Variants in MAPK1IP1L observed in about 807,000 individuals in gnomAD.
MAPK1IP1L encodes MAPK-interacting and spindle-stabilizing protein-like.
A neutral mutation model predicts 18.1 loss-of-function variants in MAPK1IP1L; 10 were observed. That is an observed-to-expected ratio of 0.55 (90% CI 0.34 to 0.94). The LOEUF (loss-of-function observed/expected upper bound fraction) is 0.94. MAPK1IP1L is among the 40% of genes least tolerant of loss of function. The pLI is 0.02. For missense variants in MAPK1IP1L, 260 were observed against 318.2 expected (o/e 0.82, Z 1.39); for synonymous variants, 115 against 117.3 (o/e 0.98, Z 0.13).
Position 55,061,647 on chromosome 14 carries a change from TTC to T in MAPK1IP1L, c.-4-31_-4-30del, listed in dbSNP as rs776722917. 1.9e-5 allele frequency: 29 copies of T among 1,493,860 alleles called. No homozygotes were observed. The South Asian group carries it at 3.3e-4, about 17-fold the overall frequency. 92.5% of individuals were successfully genotyped at this position (1,493,860 alleles called of 1,614,324 possible). The stretch of plus-strand genomic sequence containing the variant: ...ATGGTGAACACTGATTTTGAAATTT[TTC>T]TTTCTTCCTTCATTTCTTTTCTTTT... On this transcript the variant is annotated intron_variant, in intron 1 of 3. Transcript: ENST00000395468.
At chr14:55,055,673 C>G (rs1304608257) in intron 1 of MAPK1IP1L, among the ~76,000 whole-genome samples, 1 of 152,074 alleles carries the variant, frequency 6.6e-6, no homozygotes, top group Non-Finnish European at 1.5e-5. Flanking sequence ...TGGTTCATGC[C>G]TAATCCCAGC....
chr14:55,059,004 G>A (rs1190452236), intron 1 of MAPK1IP1L, among the ~76,000 whole-genome samples: 1 of 151,802 alleles, frequency 6.6e-6, no homozygotes, highest in Non-Finnish European at 1.5e-5. Flanking sequence ...TCAGGTACTT[G>A]AGCATCCTGG....
In MAPK1IP1L at chr14:55,068,442, G is replaced by A. The variant is rs749535896; in HGVS notation, c.*3815G>A. ...TGCCTGGGTTGAATATCAGTCAATT[G>A]CCTACACTTCTAAACAATAAGTGCC... is the stretch of plus-strand genomic sequence containing the variant. On this transcript the variant is annotated 3_prime_UTR_variant, in exon 4 of 4. Transcript: ENST00000395468. 1.3e-5 allele frequency: 2 copies of A among 152,586 alleles called. No homozygotes were observed. The highest frequency in any genetic ancestry group is 2.4e-5 in the African/African-American group (1 of 41,436). 9.5% of individuals were successfully genotyped at this position (152,586 alleles called of 1,614,324 possible).
intron 1 of MAPK1IP1L, among the ~76,000 whole-genome samples, chr14:55,054,177 C>G (rs373598533): frequency 2.4e-5 from 3 of 127,290 alleles, no homozygotes; most frequent in African/African-American, 8.6e-5. Context: ...TTTATATTTT[C>G]TTTTTTTTTT....
intron 3 of MAPK1IP1L, chr14:55,063,829 A>G (rs1266922903): frequency 2.0e-5 from 3 of 153,342 alleles, no homozygotes; most frequent in Non-Finnish European, 2.9e-5. Context: ...AGTTACATGT[A>G]ATGCTTTATG....
chr14:55,067,345 GGAGTT>G lies in MAPK1IP1L; in HGVS notation c.*2719_*2723del, dbSNP rs1352737779. The G allele has an allele frequency of 2.0e-5, 3 of 151,936 alleles. No individual in the cohort carries two copies. The highest frequency in any genetic ancestry group is 7.3e-5 in the African/African-American group (3 of 41,370). 9.4% of individuals were successfully genotyped at this position (151,936 alleles called of 1,614,324 possible). A position where few individuals can be genotyped will look rare whatever the true frequency, so the allele number is the denominator to read the frequency against. ...AAAATATTTCAGGTTGGTTCGGTGT[GGAGTT>G]AAGAAAAGCAGGCGTTTTAGTGGAG... On this transcript the variant is annotated 3_prime_UTR_variant, in exon 4 of 4. Coordinates refer to ENST00000395468, the MANE Select transcript of MAPK1IP1L (RefSeq NM_144578.4).
Position 55,069,020 on chromosome 14 carries a change from T to C in MAPK1IP1L, c.*4393T>C, listed in dbSNP as rs2140265348. Reference sequence around the variant, plus strand: ...TGACATGTGGCATGCCTTTTTTTTTTTTTAAGAATTTAATGTTTTTCAAGA... The same window carrying C: ...TGACATGTGGCATGCCTTTTTTTTTCTTTAAGAATTTAATGTTTTTCAAGA... On this transcript the variant is annotated 3_prime_UTR_variant, in exon 4 of 4. Transcript: ENST00000395468. The C allele has an allele frequency of 6.6e-6, 1 of 152,296 alleles. No individual in the cohort carries two copies. The highest frequency in any genetic ancestry group is 6.5e-5 in the Admixed American group (1 of 15,294). The allele number at this position is 152,296 out of a possible 1,614,324, so 9.4% of individuals were successfully genotyped here.
At chr14:55,058,286 A>G (rs1342477743) in intron 1 of MAPK1IP1L, among the ~76,000 whole-genome samples, 1 of 152,234 alleles carries the variant, frequency 6.6e-6, no homozygotes, top group East Asian at 1.9e-4. Flanking sequence ...TCTCATCAAC[A>G]TTATAACAAA....
At chr14:55,056,731 A>C (rs562816068) in intron 1 of MAPK1IP1L, among the ~76,000 whole-genome samples, 16 of 152,024 alleles carry the variant, frequency 1.1e-4, no homozygotes, top group Admixed American at 2.0e-4. Context: ...GGATGGTCTC[A>C]ATCTCCTGAC....
rs2042871510 is a variant in MAPK1IP1L at position 55,067,346 on chromosome 14, G to GAGTT, written c.*2721_*2724dup. ...AAATATTTCAGGTTGGTTCGGTGTG[G>GAGTT]AGTTAAGAAAAGCAGGCGTTTTAGT... On this transcript the variant is annotated 3_prime_UTR_variant, in exon 4 of 4. Coordinates refer to ENST00000395468, the MANE Select transcript of MAPK1IP1L (RefSeq NM_144578.4). 6.6e-6 allele frequency: 1 copy of GAGTT among 151,962 alleles called. No homozygotes were observed. The highest frequency in any genetic ancestry group is 2.4e-5 in the African/African-American group (1 of 41,380). The allele number at this position is 151,962 out of a possible 1,614,324, so 9.4% of individuals were successfully genotyped here. A position where few individuals can be genotyped will look rare whatever the true frequency, so the allele number is the denominator to read the frequency against.
rs557319505 is a variant in MAPK1IP1L at position 55,067,694 on chromosome 14, T to G, written c.*3067T>G. 10 of 152,302 alleles carry G rather than the reference T, an allele frequency of 6.6e-5. No homozygotes were observed. The East Asian group carries it at 1.9e-3, about 29-fold the overall frequency. 9.4% of individuals were successfully genotyped at this position (152,302 alleles called of 1,614,324 possible). On this transcript the variant is annotated 3_prime_UTR_variant, in exon 4 of 4. Coordinates refer to ENST00000395468, the MANE Select transcript of MAPK1IP1L (RefSeq NM_144578.4). ...CTGAGATTACAGGCGTGAGCCACCA[T>G]GCGTGACCTTTTTTTCTTTTTAAAA...
chr14:55,051,684 T>C lies in MAPK1IP1L; in HGVS notation c.-124T>C, dbSNP rs758043199. 1.9e-6 allele frequency: 1 copy of C among 516,138 alleles called. No homozygotes were observed. The highest frequency in any genetic ancestry group is 3.9e-6 in the Non-Finnish European group (1 of 259,456). The allele number at this position is 516,138 out of a possible 1,614,324, so 32.0% of individuals were successfully genotyped here. On this transcript the variant is annotated 5_prime_UTR_variant, in exon 1 of 4. Coordinates refer to ENST00000395468, the MANE Select transcript of MAPK1IP1L (RefSeq NM_144578.4). ...GGCGCCAGGAGGAGCCGCGCGCTGC[T>C]GGTGCTGTTGCCGCCGCTGCTCTAG...
At position 55,069,107 on chromosome 14, in the gene MAPK1IP1L, AC is replaced by A. The variant is rs942659851; in HGVS notation, c.*4481del. On this transcript the variant is annotated 3_prime_UTR_variant, in exon 4 of 4. Coordinates refer to ENST00000395468, the MANE Select transcript of MAPK1IP1L (RefSeq NM_144578.4). ...AAGTAACAGGATAGTTTGCCTCTTC[AC>A]TTTACCCCTGGATAAAGGCACTTTC... 1 of 151,992 alleles carries A rather than the reference AC, an allele frequency of 6.6e-6. No individual in the cohort carries two copies. The highest frequency in any genetic ancestry group is 1.5e-5 in the Non-Finnish European group (1 of 68,018). 9.4% of individuals were successfully genotyped at this position (151,992 alleles called of 1,614,324 possible).
chr14:55,060,908 A>G (rs1414602038), intron 1 of MAPK1IP1L: 2 of 152,206 alleles, frequency 1.3e-5, no homozygotes, highest in African/African-American at 4.8e-5. Context: ...AGGCTGAGGC[A>G]GGAGGGTCCT....
At chr14:55,059,845 T>C (rs149661799) in intron 1 of MAPK1IP1L, among the ~76,000 whole-genome samples, 19 of 152,228 alleles carry the variant, frequency 1.2e-4, no homozygotes, top group African/African-American at 4.3e-4. Context: ...ATGGTAAATA[T>C]TGGATAGATG....
chr14:55,059,224 T>TGAAAAAAAAAAAAAAAAAAAAAAAAACCA (rs2042795644), intron 1 of MAPK1IP1L, among the ~76,000 whole-genome samples: 1 of 52,382 alleles, frequency 1.9e-5, no homozygotes, highest in Non-Finnish European at 3.9e-5. Context: ...TAGGAAAATC[T>TGAAAAAAAAAAAAAAAAAAAAAAAAACCA]GAAAAAAAAA....
intron 3 of MAPK1IP1L, 105 bp from the exon 4 acceptor site, chr14:55,064,510 GC>G (rs1453059510): frequency 3.3e-6 from 3 of 897,950 alleles, no homozygotes; most frequent in Non-Finnish European, 5.4e-6. Flanking sequence ...GATGTGACTT[GC>G]TGTTTGGATT....
At chr14:55,056,947 A>G (rs762799364) in intron 1 of MAPK1IP1L, among the ~76,000 whole-genome samples, 11 of 152,258 alleles carry the variant, frequency 7.2e-5, no homozygotes, top group Non-Finnish European at 1.3e-4. Context: ...AGGTGGCTCT[A>G]TGTTAATACT....
intron 3 of MAPK1IP1L, 39 bp downstream of exon 3, chr14:55,063,364 A>G (rs1220728899): frequency 2.2e-5 from 32 of 1,485,102 alleles, no homozygotes; most frequent in Non-Finnish European, 2.7e-5. Flanking sequence ...TACTAATTGT[A>G]CATAGCACAA....
Sources: gnomAD v4.1 joint callset for allele counts (sites outside exome capture counted in the v4.1 genomes callset) on GRCh38, gnomAD v4.1.1 for gene constraint, MANE v1.5 for transcripts, NCBI Gene and HGNC (gene_info 2026-07-23, HGNC 2026-07-21) for gene names.